TTBK1: variants seen among roughly 807,000 people sequenced by gnomAD.
The protein encoded by TTBK1 is tau-tubulin kinase 1.
A neutral mutation model predicts 108.5 loss-of-function variants in TTBK1; 34 were observed. The observed-to-expected ratio is 0.31, with a 90% confidence interval of 0.24 to 0.42. TTBK1 has a LOEUF of 0.42. Ranked by LOEUF, TTBK1 falls within the 10% of genes least tolerant of loss-of-function variation. The pLI is 1.00. For synonymous variants in TTBK1, 809 were observed against 795.1 expected, an observed-to-expected ratio of 1.02 and a Z score of -0.29; for missense variants, 1,539 against 1,826.0, an observed-to-expected ratio of 0.84 and a Z score of 2.86.
Position 43,246,722 on chromosome 6 carries a change from C to A in TTBK1, c.62C>A (p.Ala21Asp). Reference sequence around the variant, plus strand: ...AACATGAGTGGGGGAGGGGAGCAGGCCGACATCCTGCCGGCCAACTACGTG... The same window carrying A: ...AACATGAGTGGGGGAGGGGAGCAGGACGACATCCTGCCGGCCAACTACGTG... ...ETNMSGGGEQADILPANYVVK... is the reference protein window; with the variant it reads ...ETNMSGGGEQDDILPANYVVK... Residue 21 changes from alanine (A) to aspartate (D), a missense_variant, in exon 2 of 15, where the codon GCC becomes GAC. Coordinates refer to ENST00000259750, the MANE Select transcript of TTBK1 (RefSeq NM_032538.3). The A allele has an allele frequency of 1.2e-6, 2 of 1,610,828 alleles. No homozygotes were observed. Among genetic ancestry groups the A allele is most frequent in the Non-Finnish European group, 1.7e-6 (2 of 1,178,600 alleles).
In TTBK1 at chr6:43,285,637, C is replaced by CTCACATCA. The variant is rs1778358327; in HGVS notation, c.*261_*262insTCACATCA. The CTCACATCA allele has an allele frequency of 3.2e-6, 1 of 315,574 alleles. No individual in the cohort carries two copies. The highest frequency in any genetic ancestry group is 5.6e-6 in the Non-Finnish European group (1 of 177,574). 19.5% of individuals were successfully genotyped at this position (315,574 alleles called of 1,614,324 possible). On this transcript the variant is annotated 3_prime_UTR_variant, in exon 15 of 15. Coordinates refer to ENST00000259750, the MANE Select transcript of TTBK1 (RefSeq NM_032538.3). This position sits in a 1 kb window ranked among gnomAD's most constrained non-coding sequence, Gnocchi z 4.7. Reference sequence around the variant, plus strand: ...GCCCTGTGTCCTCTCATCCTCCCGCCGCCCGTCAGGCCGGCCAGCCTCACA... The same window carrying CTCACATCA: ...GCCCTGTGTCCTCTCATCCTCCCGCCTCACATCAGCCCGTCAGGCCGGCCAGCCTCACA...
intron 10 of TTBK1, among the ~76,000 whole-genome samples, chr6:43,258,353 C>T (rs867179829): frequency 3.3e-5 from 5 of 152,252 alleles, no homozygotes; most frequent in Admixed American, 2.0e-4. Flanking sequence ...TGTTTGAAAT[C>T]GATGGGTCAG....
At chr6:43,244,516 G>A (rs575505634) in intron 1 of TTBK1, among the ~76,000 whole-genome samples, 6 of 152,252 alleles carry the variant, frequency 3.9e-5, no homozygotes, top group Non-Finnish European at 7.3e-5. Context: ...GGTCTGAGGC[G>A]GCAGTAACGG....
At chr6:43,258,706 C>A (rs990176695) in intron 10 of TTBK1, among the ~76,000 whole-genome samples, 1 of 152,238 alleles carries the variant, frequency 6.6e-6, no homozygotes, top group Non-Finnish European at 1.5e-5. Context: ...AAGTGATTCT[C>A]CTTTTTAGAC....
intron 2 of TTBK1, among the ~76,000 whole-genome samples, chr6:43,251,512 G>A (rs972078091): frequency 1.3e-5 from 2 of 152,092 alleles, no homozygotes; most frequent in Non-Finnish European, 2.9e-5. Flanking sequence ...CTTGGAACTC[G>A]GCACCGTCTC....
intron 10 of TTBK1, among the ~76,000 whole-genome samples, chr6:43,258,756 A>G (rs1248634013): frequency 3.3e-5 from 5 of 152,218 alleles, no homozygotes; most frequent in South Asian, 2.1e-4. Flanking sequence ...GTGAACGCCA[A>G]TGGAAATCTG....
intron 13 of TTBK1, chr6:43,270,470 G>C: frequency 5.1e-6 from 5 of 972,658 alleles, no homozygotes; most frequent in Non-Finnish European, 6.1e-6. Context: ...CCTGTGTATG[G>C]ATGGAGGCCA....
At chr6:43,250,384 T>A (rs954833529) in intron 2 of TTBK1, among the ~76,000 whole-genome samples, 27 of 148,708 alleles carry the variant, frequency 1.8e-4, no homozygotes, top group Non-Finnish European at 3.6e-4. Flanking sequence ...AAGACGGAGT[T>A]TCTCTCTTGT....
Position 43,269,543 on chromosome 6 carries a change from C to G in TTBK1, c.1986+6193C>G, listed in dbSNP as rs1454402326. On this transcript the variant is annotated intron_variant, in intron 13 of 14. Transcript: ENST00000259750. This position sits in a 1 kb window ranked among gnomAD's most constrained non-coding sequence, Gnocchi z 4.8. ...GACCCCGCCCACTTGCCCGGGACGC[C>G]GGCGCCGCAGGGGCTGTGAGCGGTG... The G allele has an allele frequency of 3.7e-6, 5 of 1,345,624 alleles. No individual in the cohort carries two copies. In the Admixed American group the frequency reaches 9.3e-5, roughly 25 times the overall value. The allele number at this position is 1,345,624 out of a possible 1,614,324, so 83.4% of individuals were successfully genotyped here.
intron 7 of TTBK1, 79 bp downstream of exon 7, chr6:43,255,193 T>A: frequency 3.8e-6 from 1 of 266,452 alleles, no homozygotes; most frequent in South Asian, 3.7e-5. Flanking sequence ...TGGGGAGGGG[T>A]GGGGAGAGGA....
intron 5 of TTBK1, among the ~76,000 whole-genome samples, chr6:43,254,257 G>A (rs548186811): frequency 1.5e-4 from 23 of 152,246 alleles, no homozygotes; most frequent in Non-Finnish European, 2.5e-4. Flanking sequence ...TCCCAAAAAT[G>A]TGGAGCTGTA....
At position 43,265,201 on chromosome 6, in the gene TTBK1, C is replaced by T. The variant is rs1487557198; in HGVS notation, c.1986+1851C>T. 4.6e-5 allele frequency among the ~76,000 whole-genome samples: 7 copies of T among 152,150 alleles called. No individual in the cohort carries two copies. The highest frequency in any genetic ancestry group is 1.0e-4 in the Non-Finnish European group (7 of 68,018). On this transcript the variant is annotated intron_variant, in intron 13 of 14. Transcript: ENST00000259750. This position sits in a 1 kb window ranked among gnomAD's most constrained non-coding sequence, Gnocchi z 4.1. ...CCACATAGTGGTCCCACATTGGGGG[C>T]GTACACTCTAGGTGGCTCTGGGAGG...
rs757437947 is a variant in TTBK1 at position 43,259,308 on chromosome 6, C to G, written c.1248+39C>G. On this transcript the variant is annotated intron_variant, in intron 11 of 14. Transcript: ENST00000259750. This position sits in a 1 kb window ranked among gnomAD's most constrained non-coding sequence, Gnocchi z 6.7. Reference sequence around the variant, plus strand: ...GGGCGAAGGGCGTGGGTGGCCTTTTCTCTCACCCCCGATTCCCAGCCTTGT... The same window carrying G: ...GGGCGAAGGGCGTGGGTGGCCTTTTGTCTCACCCCCGATTCCCAGCCTTGT... 1.7e-5 allele frequency: 26 copies of G among 1,487,224 alleles called. No individual in the cohort carries two copies. In the Middle Eastern group the frequency reaches 7.3e-4, roughly 42 times the overall value. 92.1% of individuals were successfully genotyped at this position (1,487,224 alleles called of 1,614,324 possible). A position where few individuals can be genotyped will look rare whatever the true frequency, so the allele number is the denominator to read the frequency against.
At chr6:43,270,142 C>T in intron 13 of TTBK1, 1 of 1,368,320 alleles carries the variant, frequency 7.3e-7, no homozygotes, top group East Asian at 2.9e-5. Context: ...GTCTCCGTCC[C>T]ACCTCCCCAT....
At chr6:43,275,312 C>A in intron 13 of TTBK1, among the ~76,000 whole-genome samples, 1 of 151,978 alleles carries the variant, frequency 6.6e-6, no homozygotes. Context: ...CGCCGCGCTC[C>A]CGCCCCACCC....
intron 13 of TTBK1, chr6:43,271,640 A>T (rs1582506851): frequency 1.0e-6 from 1 of 985,354 alleles, no homozygotes; most frequent in Non-Finnish European, 1.2e-6. Context: ...TGTGGTGGGC[A>T]GTGCCCTGGA....
At chr6:43,258,053 T>C (rs7752120) in intron 10 of TTBK1, 87 bp downstream of exon 10, 322,791 of 1,449,692 alleles carry the variant, frequency 0.22, 37,049 homozygotes, top group East Asian at 0.34. Context: ...TCTCTTCCTA[T>C]CTGGACACAC....
At position 43,263,044 on chromosome 6, in the gene TTBK1, G is replaced by A; in HGVS notation, c.1680G>A (p.Glu560=). ...TCAAGGACTTCCCTCCAGGGGCTGA[G>A]CCCAGCACATCGGGCACCACGGATG... is the stretch of plus-strand genomic sequence containing the variant. The part of the protein sequence containing the change: ...TELKDFPPGA[E]PSTSGTTDEE... Residue 560 remains glutamate (E), a synonymous_variant, in exon 13 of 15, where the codon GAG becomes GAA. Transcript: ENST00000259750. This position sits in a 1 kb window ranked among gnomAD's most constrained non-coding sequence, Gnocchi z 4.7. The A allele has an allele frequency of 6.3e-7, 1 of 1,593,044 alleles. No homozygotes were observed. The highest frequency in any genetic ancestry group is 1.1e-5 in the South Asian group (1 of 88,024).
At chr6:43,270,518 A>G in intron 13 of TTBK1, 3 of 985,580 alleles carry the variant, frequency 3.0e-6, no homozygotes, top group Non-Finnish European at 3.6e-6. Flanking sequence ...GAGTGTTTCA[A>G]TGCTCAGTGA....
Sources: allele counts gnomAD v4.1 joint callset (sites outside exome capture counted in the v4.1 genomes callset), GRCh38; gene constraint gnomAD v4.1.1; non-coding constraint Gnocchi (gnomAD v3.1); transcripts MANE v1.5; gene names NCBI Gene and HGNC (gene_info 2026-07-23, HGNC 2026-07-21).